Variants in SLC10A7 observed in about 807,000 individuals in gnomAD.
SLC10A7 encodes sodium/bile acid cotransporter 7.
A neutral mutation model predicts 43.2 loss-of-function variants in SLC10A7; 29 were observed. The ratio of observed to expected loss-of-function variants is 0.67; its 90% confidence interval spans 0.50 to 0.92. The LOEUF is 0.92. SLC10A7 is among the 40% of genes least tolerant of loss of function. The pLI is 0.00. For missense variants in SLC10A7, 295 were observed against 403.2 expected (o/e 0.73, Z 2.30); for synonymous variants, 152 against 144.8 (o/e 1.05, Z -0.35).
intron 5 of SLC10A7, among the ~76,000 whole-genome samples, chr4:146,373,397 C>T (rs1206945428): frequency 6.7e-6 from 1 of 149,926 alleles, no homozygotes; most frequent in Non-Finnish European, 1.5e-5. Flanking sequence ...TAGCTTGAGC[C>T]CAGGAGATGG....
rs536992412 is a variant in SLC10A7 at position 146,351,293 on chromosome 4, T to G, written c.436-25297A>C. On this transcript the variant is annotated intron_variant, in intron 5 of 11. Coordinates refer to ENST00000335472, the MANE Select transcript of SLC10A7 (RefSeq NM_001029998.6). ...AAGAAAGGGTATCAGCAATGGAAGA[T>G]GAAATGAATGAAATGAAGCGAGAAG... Among the ~76,000 whole-genome samples the G allele has an allele frequency of 1.0e-2, 1,489 of 149,634 alleles. 8 individuals carry two copies. Among genetic ancestry groups the G allele is most frequent in the Middle Eastern group, 0.021 (6 of 290 alleles).
intron 5 of SLC10A7, among the ~76,000 whole-genome samples, chr4:146,423,333 G>A (rs1729092978): frequency 6.6e-6 from 1 of 152,026 alleles, no homozygotes; most frequent in Non-Finnish European, 1.5e-5. Context: ...TCTTCCTTCA[G>A]TTCTATTTCT....
At chr4:146,508,866 T>C (rs186050298) in intron 3 of SLC10A7, among the ~76,000 whole-genome samples, 21 of 152,338 alleles carry the variant, frequency 1.4e-4, no homozygotes, top group Non-Finnish European at 2.6e-4. Flanking sequence ...AAAATCTGAA[T>C]GCTGTACCAC....
At chr4:146,344,084 T>C (rs1372674654) in intron 5 of SLC10A7, among the ~76,000 whole-genome samples, 1 of 152,018 alleles carries the variant, frequency 6.6e-6, no homozygotes, top group Non-Finnish European at 1.5e-5. Context: ...ATTAACAATC[T>C]CCCATTACTT....
intron 5 of SLC10A7, among the ~76,000 whole-genome samples, chr4:146,430,438 T>C (rs1251317595): frequency 6.6e-6 from 1 of 152,200 alleles, no homozygotes; most frequent in African/African-American, 2.4e-5. Flanking sequence ...TTAATAAACA[T>C]ATCCCTCCAA....
intron 5 of SLC10A7, among the ~76,000 whole-genome samples, chr4:146,330,171 A>G (rs558323859): frequency 1.3e-4 from 20 of 152,362 alleles, no homozygotes; most frequent in East Asian, 3.9e-4. Context: ...TTTAGTGGAA[A>G]GAAAGAGTGT....
chr4:146,511,724 G>A (rs919206071), intron 2 of SLC10A7, among the ~76,000 whole-genome samples: 3 of 152,038 alleles, frequency 2.0e-5, no homozygotes, highest in African/African-American at 7.2e-5. Context: ...GTCATATTAG[G>A]TCCTGGGATC....
chr4:146,300,608 T>C (rs1731095651), intron 7 of SLC10A7, among the ~76,000 whole-genome samples: 1 of 152,186 alleles, frequency 6.6e-6, no homozygotes, highest in Non-Finnish European at 1.5e-5. Flanking sequence ...TATAATAACA[T>C]CTACTCAGAT....
intron 10 of SLC10A7, among the ~76,000 whole-genome samples, chr4:146,262,570 A>G (rs1232564272): frequency 6.6e-6 from 1 of 152,212 alleles, no homozygotes; most frequent in Non-Finnish European, 1.5e-5. Flanking sequence ...TTTTGTCCTC[A>G]TCACTCACTT....
intron 5 of SLC10A7, among the ~76,000 whole-genome samples, chr4:146,427,026 C>T (rs532901961): frequency 9.8e-5 from 15 of 152,308 alleles, no homozygotes; most frequent in African/African-American, 2.6e-4. Context: ...TTAGTGTATG[C>T]TATTTCTGTC....
intron 5 of SLC10A7, among the ~76,000 whole-genome samples, chr4:146,420,264 G>C (rs550512948): frequency 6.6e-6 from 1 of 152,246 alleles, no homozygotes; most frequent in South Asian, 2.1e-4. Flanking sequence ...TCTCACAATG[G>C]TTTTCTCACC....
intron 5 of SLC10A7, among the ~76,000 whole-genome samples, chr4:146,384,335 A>G (rs1737839963): frequency 6.6e-6 from 1 of 152,172 alleles, no homozygotes; most frequent in Non-Finnish European, 1.5e-5. Context: ...AGATGACAAA[A>G]ACATCATATG....
intron 2 of SLC10A7, among the ~76,000 whole-genome samples, chr4:146,512,969 A>G (rs1737619478): frequency 6.6e-6 from 1 of 152,194 alleles, no homozygotes; most frequent in Non-Finnish European, 1.5e-5. Context: ...ACAATGTACA[A>G]GACACATTTT....
intron 1 of SLC10A7, among the ~76,000 whole-genome samples, chr4:146,519,774 G>T (rs1738443288): frequency 6.6e-6 from 1 of 152,092 alleles, no homozygotes; most frequent in South Asian, 2.1e-4. Flanking sequence ...TTAACCTAGA[G>T]AGAGTCACCT....
intron 10 of SLC10A7, among the ~76,000 whole-genome samples, chr4:146,280,694 A>G (rs1013687532): frequency 3.9e-5 from 6 of 152,260 alleles, no homozygotes; most frequent in Admixed American, 2.0e-4. Context: ...CTTAACAAGA[A>G]CATTCTAGCA....
chr4:146,517,547 G>C (rs1738135872), intron 1 of SLC10A7, among the ~76,000 whole-genome samples: 1 of 152,074 alleles, frequency 6.6e-6, no homozygotes, highest in South Asian at 2.1e-4. Context: ...TGTCACCCCT[G>C]GTGTCTTACT....
At chr4:146,339,808 G>GT (rs376451032) in intron 5 of SLC10A7, among the ~76,000 whole-genome samples, 4,798 of 136,200 alleles carry the variant, frequency 0.035, 75 homozygotes, top group African/African-American at 0.045. Flanking sequence ...TTCATTTGTC[G>GT]TTTTTTTTTT....
chr4:146,405,648 A>G (rs570661687), intron 5 of SLC10A7, among the ~76,000 whole-genome samples: 24 of 152,306 alleles, frequency 1.6e-4, no homozygotes, highest in African/African-American at 5.8e-4. Context: ...TTTTTTATCT[A>G]TCTATCTGCC....
intron 2 of SLC10A7, among the ~76,000 whole-genome samples, chr4:146,512,898 C>T (rs1365391945): frequency 6.6e-6 from 1 of 151,990 alleles, no homozygotes; most frequent in East Asian, 1.9e-4. Flanking sequence ...ATGACACATC[C>T]GTACAACAGA....
Sources: gnomAD v4.1 joint callset for allele counts (sites outside exome capture counted in the v4.1 genomes callset) on GRCh38, gnomAD v4.1.1 for gene constraint, MANE v1.5 for transcripts, NCBI Gene and HGNC (gene_info 2026-07-23, HGNC 2026-07-21) for gene names.